CYB561: variants seen among roughly 807,000 people sequenced by gnomAD.
CYB561 encodes transmembrane ascorbate-dependent reductase CYB561.
CYB561 carries 11 observed loss-of-function variants against 25.3 expected under a neutral mutation model. The observed-to-expected ratio is 0.44, with a 90% CI of 0.27 to 0.72. The LOEUF is 0.72. CYB561 is among the 30% of genes least tolerant of loss of function. The probability of loss-of-function intolerance (pLI) is 0.18; values close to 1 mark genes in which losing one functional copy is unlikely to be tolerated. For synonymous variants in CYB561, 165 were observed against 158.8 expected, an observed-to-expected ratio of 1.04 and a Z score of -0.29; for missense variants, 295 against 334.9, an observed-to-expected ratio of 0.88 and a Z score of 0.93.
chr17:63,445,477 G>C (rs2049414472), intron 1 of CYB561, among the ~76,000 whole-genome samples: 1 of 151,584 alleles, frequency 6.6e-6, no homozygotes, highest in African/African-American at 2.4e-5. Context: ...ATCCACAAAG[G>C]CTGCCAAGGT....
chr17:63,445,516 A>G (rs2049414804), intron 1 of CYB561, among the ~76,000 whole-genome samples: 1 of 147,442 alleles, frequency 6.8e-6, no homozygotes, highest in Admixed American at 6.7e-5. Context: ...ACGACCAGAA[A>G]GGAGAAGTCT....
Position 63,435,097 on chromosome 17 carries a change from C to T in CYB561, c.552G>A (p.Leu184=), listed in dbSNP as rs774329908. The T allele has an allele frequency of 5.6e-6, 9 of 1,613,318 alleles. 1 individual carries two copies. In the South Asian group the frequency reaches 9.9e-5, roughly 18 times the overall value. ...TALLGLKEAL[L]FNLGGKYSAF... ...CCCAGGACACTCACCCGAGGTTGAA[C>T]AGCAGTGCCTCCTTCAGGCCCAGCA... The change falls in exon 5 of 6, where the codon CTG becomes CTA. Residue 184 remains leucine (L), a synonymous_variant. Coordinates refer to ENST00000360793, the MANE Select transcript of CYB561 (RefSeq NM_001915.4).
intron 1 of CYB561, among the ~76,000 whole-genome samples, chr17:63,439,743 T>C (rs752261667): frequency 2.6e-5 from 4 of 152,210 alleles, no homozygotes; most frequent in Non-Finnish European, 4.4e-5. Flanking sequence ...GCTTTTTAAC[T>C]GAGGGCGTAG....
intron 1 of CYB561, chr17:63,438,270 CACAGGCAAGCGCG>C: frequency 6.7e-7 from 1 of 1,489,926 alleles, no homozygotes; most frequent in African/African-American, 1.4e-5. Context: ...AGGTGAGTTA[CACAGGCAAGCGCG>C]CTCCTTGACG....
Position 63,436,163 on chromosome 17 carries a change from TGA to T in CYB561, c.203-13_203-12del. The T allele has an allele frequency of 1.2e-6, 2 of 1,612,818 alleles. No individual in the cohort carries two copies. The highest frequency in any genetic ancestry group is 1.7e-6 in the Non-Finnish European group (2 of 1,179,230). The stretch of plus-strand genomic sequence containing the variant: ...GGTAAACCAGCAGGGCTGTGGGAGG[TGA>T]GAGAGGGAACGTGAGTGCATCCGCC... On this transcript the variant is annotated splice_polypyrimidine_tract_variant and intron_variant, in intron 2 of 5. Transcript: ENST00000360793. The surrounding 1 kb of genome is among the most constrained non-coding windows in gnomAD (Gnocchi z 4.8).
rs889698466 is a variant in CYB561 at position 63,437,533 on chromosome 17, G to A, written c.15C>T (p.Ala5=). The change falls in exon 2 of 6, where the codon GCC becomes GCT. Residue 5 remains alanine (A), a synonymous_variant. Transcript: ENST00000360793. ...GCAGTGCTGTGGGGGTGGCTGCCGC[G>A]GCCCCGCCCTCCATGCTGAGGCAAA... The part of the protein sequence containing the change: MEGG[A]AAATPTALPY... 6.2e-7 allele frequency: 1 copy of A among 1,610,750 alleles called. No homozygotes were observed. The highest frequency in any genetic ancestry group is 8.5e-7 in the Non-Finnish European group (1 of 1,179,824).
chr17:63,441,925 G>A (rs2049379446), intron 1 of CYB561, among the ~76,000 whole-genome samples: 1 of 152,248 alleles, frequency 6.6e-6, no homozygotes, highest in South Asian at 2.1e-4. Flanking sequence ...CTGACCGAAG[G>A]CAAGAGGGAA....
intron 4 of CYB561, 179 bp from the exon 5 acceptor site, chr17:63,435,422 G>A (rs552905144): frequency 2.3e-5 from 16 of 709,054 alleles, no homozygotes; most frequent in African/African-American, 1.3e-4. Flanking sequence ...ACAAGGGACC[G>A]GTCCCCCAAC....
At chr17:63,437,627 A>C in intron 1 of CYB561, 67 bp from the exon 2 acceptor site, 1 of 1,291,476 alleles carries the variant, frequency 7.7e-7, no homozygotes, top group African/African-American at 1.6e-5. Flanking sequence ...GCCCCCGCGG[A>C]TGCACACAGC....
Position 63,436,040 on chromosome 17 carries a change from G to T in CYB561, c.301+14C>A. 1 of 1,613,984 alleles carries T rather than the reference G, an allele frequency of 6.2e-7. No individual in the cohort carries two copies. The highest frequency in any genetic ancestry group is 1.1e-5 in the South Asian group (1 of 91,072). ...GCAGGCAGGTGGCGGGGAAGGCCGC[G>T]CCCGGGAACTCACCAACCAGGGCGA... is the stretch of plus-strand genomic sequence containing the variant. On this transcript the variant is annotated intron_variant, in intron 3 of 5. Transcript: ENST00000360793. This position sits in a 1 kb window ranked among gnomAD's most constrained non-coding sequence, Gnocchi z 4.8.
At chr17:63,437,634 C>T in intron 1 of CYB561, 74 bp from the exon 2 acceptor site, 2 of 1,286,004 alleles carry the variant, frequency 1.6e-6, no homozygotes, top group South Asian at 1.4e-5. Flanking sequence ...CGGATGCACA[C>T]AGCCCCCCAA....
chr17:63,438,285 T>G, intron 1 of CYB561: 1 of 1,382,036 alleles, frequency 7.2e-7, no homozygotes, highest in African/African-American at 1.4e-5. Context: ...GCAAGCGCGC[T>G]CCTTGACGGG....
At chr17:63,437,981 CT>C in intron 1 of CYB561, 4 of 774,042 alleles carry the variant, frequency 5.2e-6, no homozygotes, top group Non-Finnish European at 7.7e-6. Context: ...CCCCGCCACC[CT>C]CCCCCGAGGC....
At chr17:63,440,805 C>T (rs1236542828) in intron 1 of CYB561, 2 of 152,380 alleles carry the variant, frequency 1.3e-5, no homozygotes, top group Admixed American at 6.5e-5. Context: ...TCTAATACCC[C>T]GAGTCTAACA....
In CYB561 at chr17:63,434,379, AC is replaced by A; in HGVS notation, c.*22del. On this transcript the variant is annotated 3_prime_UTR_variant, in exon 6 of 6. Coordinates refer to ENST00000360793, the MANE Select transcript of CYB561 (RefSeq NM_001915.4). ...GGGCAGGCAAGAAGACACCCCGCGAACCCCCAGGGCCGGCCGGGCGCATCAC... is the reference window on the plus strand; with the variant it reads ...GGGCAGGCAAGAAGACACCCCGCGAACCCCAGGGCCGGCCGGGCGCATCAC... The A allele has an allele frequency of 1.3e-6, 2 of 1,523,734 alleles. No individual in the cohort carries two copies. The highest frequency in any genetic ancestry group is 1.2e-5 in the South Asian group (1 of 80,950). The allele number at this position is 1,523,734 out of a possible 1,614,324, so 94.4% of individuals were successfully genotyped here.
intron 1 of CYB561, among the ~76,000 whole-genome samples, chr17:63,438,879 C>G (rs2049346163): frequency 6.6e-6 from 1 of 152,222 alleles, no homozygotes; most frequent in African/African-American, 2.4e-5. Context: ...CGGGGCTCTC[C>G]CCTCACCCGG....
At chr17:63,442,504 C>T (rs987031338) in intron 1 of CYB561, among the ~76,000 whole-genome samples, 1 of 152,182 alleles carries the variant, frequency 6.6e-6, no homozygotes, top group Admixed American at 6.5e-5. Flanking sequence ...CACTGGGCAG[C>T]CCTGGGACAC....
intron 4 of CYB561, 141 bp downstream of exon 4, chr17:63,435,545 GCA>G (rs1280259845): frequency 2.5e-6 from 2 of 786,068 alleles, no homozygotes; most frequent in Non-Finnish European, 4.2e-6. Flanking sequence ...CTTTGCACCC[GCA>G]CAGGCCTGGG....
At chr17:63,438,206 C>A (rs1317882716) in intron 1 of CYB561, 3 of 1,535,652 alleles carry the variant, frequency 2.0e-6, no homozygotes, top group Admixed American at 3.9e-5. Context: ...GGGCCCAGTG[C>A]CCGGCTTTGT....
Sources: gnomAD v4.1 joint callset for allele counts (sites outside exome capture counted in the v4.1 genomes callset) on GRCh38, gnomAD v4.1.1 for gene constraint, Gnocchi (gnomAD v3.1) non-coding constraint, MANE v1.5 for transcripts, NCBI Gene and HGNC (gene_info 2026-07-23, HGNC 2026-07-21) for gene names.